KCNB2: variants seen among roughly 807,000 people sequenced by gnomAD.
KCNB2 encodes the protein potassium voltage-gated channel subfamily B member 2, also known as delayed rectifier potassium channel protein.
KCNB2 carries 15 observed loss-of-function variants against 61.5 expected under a neutral mutation model. That is an observed-to-expected ratio of 0.24 (90% CI 0.16 to 0.38). The LOEUF is 0.38. Among genes scored for constraint, KCNB2 ranks in the 10% least tolerant of loss-of-function variants. The pLI is 1.00. For synonymous variants in KCNB2, 457 were observed against 446.0 expected (o/e 1.02, Z -0.31); for missense variants, 828 against 1,125.2 (o/e 0.74, Z 3.78).
intron 2 of KCNB2, among the ~76,000 whole-genome samples, chr8:72,918,186 A>G (rs758236279): frequency 9.2e-5 from 14 of 152,176 alleles, no homozygotes; most frequent in African/African-American, 1.7e-4. Context: ...CAATCTCCCA[A>G]CCATATCATT....
intron 2 of KCNB2, among the ~76,000 whole-genome samples, chr8:72,654,768 G>T (rs935955605): frequency 6.6e-6 from 1 of 152,132 alleles, no homozygotes; most frequent in African/African-American, 2.4e-5. Context: ...GGGAAAGAAA[G>T]ACAAAGCAGG....
intron 2 of KCNB2, among the ~76,000 whole-genome samples, chr8:72,761,703 G>A (rs192698032): frequency 4.2e-4 from 64 of 152,266 alleles, no homozygotes; most frequent in South Asian, 1.5e-3. Context: ...CCTGATCTAA[G>A]CAATGATTTT....
chr8:72,884,247 C>T (rs1460531691), intron 2 of KCNB2, among the ~76,000 whole-genome samples: 2 of 151,966 alleles, frequency 1.3e-5, no homozygotes, highest in Non-Finnish European at 2.9e-5. Context: ...CTTTATTTTC[C>T]CCTTTTTTTT....
In KCNB2 at chr8:72,578,109, A is replaced by G. The variant is rs1392267741; in HGVS notation, c.579+9796A>G. 2.6e-5 allele frequency among the ~76,000 whole-genome samples: 4 copies of G among 152,216 alleles called. 1 individual carries two copies. Among genetic ancestry groups the G allele is most frequent in the African/African-American group, 9.6e-5 (4 of 41,460 alleles). ...ATTCAGGATTTGGTTGAATTAAAAA[A>G]TAAATCAATGACACTCTGAAGAACA... On this transcript the variant is annotated intron_variant, in intron 2 of 2. Coordinates refer to ENST00000523207, the MANE Select transcript of KCNB2 (RefSeq NM_004770.3).
intron 2 of KCNB2, among the ~76,000 whole-genome samples, chr8:72,571,545 C>T (rs141011550): frequency 6.6e-6 from 1 of 152,220 alleles, no homozygotes; most frequent in East Asian, 1.9e-4. Context: ...TCTTAGTTCT[C>T]TGGGATATGG....
At chr8:72,665,218 G>A (rs1420127937) in intron 2 of KCNB2, among the ~76,000 whole-genome samples, 1 of 152,194 alleles carries the variant, frequency 6.6e-6, no homozygotes, top group Non-Finnish European at 1.5e-5. Context: ...TGTGGCATTT[G>A]TGATAACCCA....
At chr8:72,929,362 T>C (rs1467594494) in intron 2 of KCNB2, among the ~76,000 whole-genome samples, 2 of 152,204 alleles carry the variant, frequency 1.3e-5, no homozygotes, top group Non-Finnish European at 2.9e-5. Flanking sequence ...GGGAGCCCTC[T>C]TCTGAACTCC....
Position 72,698,282 on chromosome 8 carries a change from AC to A in KCNB2, c.579+129970del, listed in dbSNP as rs576162143. Among the ~76,000 whole-genome samples the A allele has an allele frequency of 2.1e-3, 320 of 152,194 alleles. 3 individuals are homozygous for A. Among genetic ancestry groups the A allele is most frequent in the African/African-American group, 7.2e-3 (301 of 41,536 alleles). ...ATTTGTAATAGCCACACACACACAC[AC>A]ACAAATACCTAGGAATACATGTAAC... On this transcript the variant is annotated intron_variant, in intron 2 of 2. Transcript: ENST00000523207.
chr8:72,613,612 C>G lies in KCNB2; in HGVS notation c.579+45299C>G, dbSNP rs180825321. Among the ~76,000 whole-genome samples, 14 of 152,290 alleles carry G rather than the reference C, an allele frequency of 9.2e-5. No homozygotes were observed. In the East Asian group the frequency reaches 2.7e-3, roughly 29 times the overall value. Reference sequence around the variant, plus strand: ...GTGTTCAGTTGGTGATACATCATCCCTCAGTCTAAGCTGTACTACCAGAAG... The same window carrying G: ...GTGTTCAGTTGGTGATACATCATCCGTCAGTCTAAGCTGTACTACCAGAAG... On this transcript the variant is annotated intron_variant, in intron 2 of 2. Transcript: ENST00000523207.
intron 2 of KCNB2, among the ~76,000 whole-genome samples, chr8:72,832,518 G>A (rs1467661634): frequency 1.3e-5 from 2 of 152,108 alleles, no homozygotes; most frequent in Admixed American, 6.6e-5. Flanking sequence ...AGGGAAAATA[G>A]GACTAAAATT....
intron 2 of KCNB2, among the ~76,000 whole-genome samples, chr8:72,808,208 A>T (rs1809253797): frequency 1.3e-5 from 2 of 152,174 alleles, no homozygotes; most frequent in African/African-American, 4.8e-5. Context: ...ATGAAATAGG[A>T]TGGATTTTAT....
At chr8:72,911,712 A>G (rs980064056) in intron 2 of KCNB2, among the ~76,000 whole-genome samples, 2 of 152,198 alleles carry the variant, frequency 1.3e-5, no homozygotes, top group Non-Finnish European at 2.9e-5. Flanking sequence ...GAACTACTGC[A>G]CTAATTCCTT....
At chr8:72,564,982 T>C (rs1806601733) in intron 1 of KCNB2, among the ~76,000 whole-genome samples, 1 of 152,208 alleles carries the variant, frequency 6.6e-6, no homozygotes, top group Non-Finnish European at 1.5e-5. Flanking sequence ...CAATCTCATC[T>C]AATCATCATA....
chr8:72,709,881 A>G (rs1807297053), intron 2 of KCNB2, among the ~76,000 whole-genome samples: 1 of 152,178 alleles, frequency 6.6e-6, no homozygotes, highest in Non-Finnish European at 1.5e-5. Context: ...ACCCGAATGT[A>G]CAGATGTTTC....
chr8:72,848,914 CAA>C, intron 2 of KCNB2, among the ~76,000 whole-genome samples: 1 of 151,492 alleles, frequency 6.6e-6, no homozygotes, highest in South Asian at 2.1e-4. Flanking sequence ...TAGAATATCT[CAA>C]AAAAATGAAA....
At chr8:72,704,726 C>T (rs1031415238) in intron 2 of KCNB2, among the ~76,000 whole-genome samples, 1 of 152,092 alleles carries the variant, frequency 6.6e-6, no homozygotes, top group Non-Finnish European at 1.5e-5. Flanking sequence ...AGCAGTGACT[C>T]CAAATACAGT....
intron 2 of KCNB2, among the ~76,000 whole-genome samples, chr8:72,741,904 A>C (rs1326611012): frequency 1.3e-5 from 2 of 152,270 alleles, no homozygotes; most frequent in African/African-American, 2.4e-5. Context: ...AATTTAAACT[A>C]GTACAACCAC....
intron 2 of KCNB2, among the ~76,000 whole-genome samples, chr8:72,574,137 GT>G (rs1334305356): frequency 6.6e-6 from 1 of 152,184 alleles, no homozygotes; most frequent in Non-Finnish European, 1.5e-5. Flanking sequence ...AAATAAAACA[GT>G]TAAAATAGAA....
chr8:72,755,445 C>T (rs1808273183), intron 2 of KCNB2, among the ~76,000 whole-genome samples: 1 of 152,108 alleles, frequency 6.6e-6, no homozygotes, highest in Non-Finnish European at 1.5e-5. Context: ...GGGGACTCTA[C>T]AATATATGCA....
Sources: gnomAD v4.1 joint callset for allele counts (sites outside exome capture counted in the v4.1 genomes callset) on GRCh38, gnomAD v4.1.1 for gene constraint, MANE v1.5 for transcripts, NCBI Gene and HGNC (gene_info 2026-07-23, HGNC 2026-07-21) for gene names.